The following DCHS2 variants were observed in gnomAD, a reference collection of about 807,000 sequenced individuals.
DCHS2 encodes protocadherin-23.
DCHS2 carries 142 observed loss-of-function variants against 182.4 expected under a neutral mutation model. The ratio of observed to expected loss-of-function variants is 0.78; its 90% confidence interval spans 0.68 to 0.89. The LOEUF is 0.89. Among genes scored for constraint, DCHS2 ranks in the 40% least tolerant of loss-of-function variants. DCHS2 has a pLI of 0.00. For synonymous variants in DCHS2, 1,740 were observed against 1,663.3 expected (o/e 1.05, Z -1.12); for missense variants, 4,319 against 4,198.6 (o/e 1.03, Z -0.79).
intron 1 of DCHS2, among the ~76,000 whole-genome samples, chr4:154,470,205 C>T (rs551535932): frequency 1.3e-5 from 2 of 152,256 alleles, no homozygotes; most frequent in Admixed American, 6.5e-5. Context: ...TAGCTAGGCA[C>T]AGTGGCTCAT....
intron 16 of DCHS2, among the ~76,000 whole-genome samples, chr4:154,244,116 G>A (rs1731962980): frequency 6.6e-6 from 1 of 152,152 alleles, no homozygotes; most frequent in South Asian, 2.1e-4. Flanking sequence ...ATAGCACCCT[G>A]TACATTCTTC....
At chr4:154,306,997 C>T (rs1244774811) in intron 10 of DCHS2, among the ~76,000 whole-genome samples, 1 of 152,110 alleles carries the variant, frequency 6.6e-6, no homozygotes, top group Non-Finnish European at 1.5e-5. Flanking sequence ...GATAACAATA[C>T]ATTAACCTTC....
intron 1 of DCHS2, among the ~76,000 whole-genome samples, chr4:154,445,808 C>CAAA (rs11335225): frequency 1.8e-5 from 2 of 110,808 alleles, no homozygotes; most frequent in Non-Finnish European, 3.8e-5. Flanking sequence ...AAGACACTGT[C>CAAA]AAAAAAAAAA....
chr4:154,323,042 T>G (rs544354344), intron 7 of DCHS2: 119 of 667,980 alleles, frequency 1.8e-4, no homozygotes, highest in Middle Eastern at 4.3e-4. Flanking sequence ...TATTGCATAT[T>G]TCTTTAATCT....
At chr4:154,309,905 T>G (rs2111311574) in intron 10 of DCHS2, among the ~76,000 whole-genome samples, 1 of 152,326 alleles carries the variant, frequency 6.6e-6, no homozygotes, top group Non-Finnish European at 1.5e-5. Flanking sequence ...AAGACTGTTT[T>G]TCAAAGGACT....
chr4:154,375,494 A>G (rs551863205), intron 2 of DCHS2, among the ~76,000 whole-genome samples: 17 of 152,278 alleles, frequency 1.1e-4, no homozygotes, highest in African/African-American at 3.8e-4. Flanking sequence ...AGATCCAACA[A>G]TAACAATGGA....
chr4:154,424,646 A>G lies in DCHS2; in HGVS notation c.2053-47202T>C, dbSNP rs544483129. On this transcript the variant is annotated intron_variant, in intron 1 of 19. Coordinates refer to ENST00000357232, the MANE Select transcript of DCHS2 (RefSeq NM_001358235.2). ...AGGCACACTGTGAAGAAGTAAATGA[A>G]CACTGACACTGGAGGTTCTAAAAAC... Among the ~76,000 whole-genome samples, 479 of 152,340 alleles carry G rather than the reference A, an allele frequency of 3.1e-3. 3 individuals carry two copies. Among genetic ancestry groups the G allele is most frequent in the Non-Finnish European group, 5.0e-3 (339 of 68,030 alleles).
chr4:154,378,978 T>C (rs1276012850), intron 1 of DCHS2, among the ~76,000 whole-genome samples: 2 of 152,184 alleles, frequency 1.3e-5, no homozygotes, highest in Non-Finnish European at 2.9e-5. Flanking sequence ...AGGCAACTAG[T>C]AGTGGTGCCT....
chr4:154,256,701 C>A lies in DCHS2; in HGVS notation c.6790-1031G>T, dbSNP rs80011248. 2.5e-3 allele frequency among the ~76,000 whole-genome samples: 385 copies of A among 152,232 alleles called. 1 individual carries two copies. The highest frequency in any genetic ancestry group is 9.1e-3 in the African/African-American group (377 of 41,538). On this transcript the variant is annotated intron_variant, in intron 15 of 19. Coordinates refer to ENST00000357232, the MANE Select transcript of DCHS2 (RefSeq NM_001358235.2). ...GTTTATATCTTCTATGCCCCTGAGC[C>A]TTAGTCTTAGCTCCTGTCCCCTGTC... is the stretch of plus-strand genomic sequence containing the variant.
At position 154,335,980 on chromosome 4, in the gene DCHS2, A is replaced by G. The variant is rs73854715; in HGVS notation, c.2477-876T>C. Among the ~76,000 whole-genome samples, 592 of 152,320 alleles carry G rather than the reference A, an allele frequency of 3.9e-3. 4 individuals carry two copies. The highest frequency in any genetic ancestry group is 0.013 in the African/African-American group (556 of 41,576). Reference sequence around the variant, plus strand: ...GCTAGCGCAGGGTTGTAGGGTGATTACAACCTGCTCAAGTGCCAGAATCCC... The same window carrying G: ...GCTAGCGCAGGGTTGTAGGGTGATTGCAACCTGCTCAAGTGCCAGAATCCC... On this transcript the variant is annotated intron_variant, in intron 3 of 19. Coordinates refer to ENST00000357232, the MANE Select transcript of DCHS2 (RefSeq NM_001358235.2).
At chr4:154,323,383 G>T (rs189809409) in intron 7 of DCHS2, 4 of 1,538,836 alleles carry the variant, frequency 2.6e-6, no homozygotes, top group East Asian at 2.5e-5. Context: ...AGGCTGGAGC[G>T]CAATTGTGCC....
At chr4:154,476,982 G>C (rs1735711206) in intron 1 of DCHS2, among the ~76,000 whole-genome samples, 1 of 152,028 alleles carries the variant, frequency 6.6e-6, no homozygotes, top group African/African-American at 2.4e-5. Context: ...GGGAAGGGGA[G>C]ACTCATGACA....
At chr4:154,257,234 G>A (rs899178130) in intron 15 of DCHS2, among the ~76,000 whole-genome samples, 3 of 152,092 alleles carry the variant, frequency 2.0e-5, no homozygotes, top group African/African-American at 7.2e-5. Context: ...GCGACAGAGC[G>A]AGACTTCGTC....
intron 1 of DCHS2, among the ~76,000 whole-genome samples, chr4:154,445,849 C>T (rs536070173): frequency 5.9e-5 from 9 of 151,514 alleles, no homozygotes; most frequent in Admixed American, 6.6e-5. Context: ...GTATAGGCCA[C>T]CTGCCCTTCT....
At chr4:154,406,057 T>C (rs929949451) in intron 1 of DCHS2, among the ~76,000 whole-genome samples, 2 of 152,262 alleles carry the variant, frequency 1.3e-5, no homozygotes, top group African/African-American at 2.4e-5. Context: ...ACCTCTGTCA[T>C]GGAAAACCAA....
At chr4:154,382,708 A>G (rs1731225963) in intron 1 of DCHS2, among the ~76,000 whole-genome samples, 1 of 152,212 alleles carries the variant, frequency 6.6e-6, no homozygotes, top group African/African-American at 2.4e-5. Flanking sequence ...CACTTCTCAA[A>G]AGACGACATA....
In DCHS2 at chr4:154,489,903, G is replaced by C; in HGVS notation, c.1453C>G (p.Pro485Ala). The change falls in exon 1 of 20, where the codon CCC becomes GCC. Residue 485 changes from proline (P) to alanine (A), a missense_variant. By Grantham distance (27) the Pro-to-Ala change is conservative. Coordinates refer to ENST00000357232, the MANE Select transcript of DCHS2 (RefSeq NM_001358235.2). ...EGDFALLPGG[P>A]PGVFFLCVEG... is the part of the protein sequence containing the mutation. ...ACGCAAAGGAAAAATACCCCTGGGG[G>C]GCCGCCGGGTAGCAACGCGAAGTCT... 1 of 1,539,004 alleles carries C rather than the reference G, an allele frequency of 6.5e-7. No homozygotes were observed. The highest frequency in any genetic ancestry group is 8.8e-7 in the Non-Finnish European group (1 of 1,139,268).
chr4:154,408,691 A>G (rs1188048877), intron 1 of DCHS2, among the ~76,000 whole-genome samples: 1 of 152,212 alleles, frequency 6.6e-6, no homozygotes, highest in Admixed American at 6.5e-5. Flanking sequence ...AAGGAATAGC[A>G]AAAACCCTGT....
chr4:154,304,932 A>G (rs1735384842), intron 11 of DCHS2, 54 bp from the exon 12 acceptor site: 1 of 1,542,604 alleles, frequency 6.5e-7, no homozygotes, highest in Non-Finnish European at 8.7e-7. Flanking sequence ...CATACCTAAA[A>G]TATGTTGTTC....
Sources: gnomAD v4.1 joint callset for allele counts (sites outside exome capture counted in the v4.1 genomes callset) on GRCh38, gnomAD v4.1.1 for gene constraint, MANE v1.5 for transcripts, NCBI Gene and HGNC (gene_info 2026-07-23, HGNC 2026-07-21) for gene names.